GALNT13: variants seen among roughly 807,000 people sequenced by gnomAD.
GALNT13 encodes polypeptide N-acetylgalactosaminyltransferase 13.
In GALNT13, 28 loss-of-function variants were observed where a neutral mutation model predicts 64.2. The observed-to-expected ratio is 0.44, with a 90% confidence interval of 0.32 to 0.60. GALNT13 has a LOEUF of 0.60. GALNT13 is among the 20% of genes least tolerant of loss of function. The probability of loss-of-function intolerance (pLI) is 0.05; values close to 1 mark genes in which losing one functional copy is unlikely to be tolerated. For synonymous variants in GALNT13, 214 were observed against 224.6 expected (o/e 0.95, Z 0.42); for missense variants, 577 against 669.8 (o/e 0.86, Z 1.53).
chr2:153,911,640 G>A (rs1240534864), intron 2 of GALNT13, among the ~76,000 whole-genome samples: 1 of 152,080 alleles, frequency 6.6e-6, no homozygotes, highest in Non-Finnish European at 1.5e-5. Flanking sequence ...TGTCTGAAAA[G>A]CATCTTATTT....
the GALNT13 span, among the ~76,000 whole-genome samples, chr2:153,284,776 C>A: frequency 1.3e-5 from 2 of 152,032 alleles, no homozygotes; most frequent in African/African-American, 2.4e-5. Context: ...CTTCGTGAGT[C>A]CATGAATAGA....
chr2:154,173,358 A>G (rs975984645), intron 4 of GALNT13, among the ~76,000 whole-genome samples: 4 of 151,480 alleles, frequency 2.6e-5, no homozygotes, highest in African/African-American at 9.7e-5. Context: ...AATTTAATTA[A>G]TTAAATTTAA....
At chr2:153,347,044 T>G in the GALNT13 span, among the ~76,000 whole-genome samples, 2 of 152,230 alleles carry the variant, frequency 1.3e-5, no homozygotes, top group Non-Finnish European at 2.9e-5. Context: ...TTCTCTCAAG[T>G]TGTCATAGCG....
At chr2:153,599,764 T>C in the GALNT13 span, among the ~76,000 whole-genome samples, 2 of 152,032 alleles carry the variant, frequency 1.3e-5, no homozygotes, top group South Asian at 2.1e-4. Flanking sequence ...TGTGATTCTG[T>C]TGTTTTTAGT....
At chr2:154,450,314 A>G in intron 12 of GALNT13, 97 bp from the exon 13 acceptor site, 2 of 1,123,544 alleles carry the variant, frequency 1.8e-6, no homozygotes, top group Non-Finnish European at 2.6e-6. Context: ...TATACTATAA[A>G]AATCATAAAG....
At chr2:154,187,306 TTAAA>T (rs2105745411) in intron 4 of GALNT13, among the ~76,000 whole-genome samples, 1 of 151,384 alleles carries the variant, frequency 6.6e-6, no homozygotes, top group South Asian at 2.1e-4. Context: ...CATTTTTTAT[TTAAA>T]TATTCTCCAG....
At chr2:153,231,891 A>G in the GALNT13 span, among the ~76,000 whole-genome samples, 1 of 152,018 alleles carries the variant, frequency 6.6e-6, no homozygotes, top group Non-Finnish European at 1.5e-5. Context: ...GATTGGTTTC[A>G]GCATCTGTAC....
chr2:153,933,099 T>G (rs1690648409), intron 2 of GALNT13, among the ~76,000 whole-genome samples: 1 of 152,146 alleles, frequency 6.6e-6, no homozygotes, highest in Non-Finnish European at 1.5e-5. Flanking sequence ...TCTTCTGTTT[T>G]TAAGGGATGA....
chr2:153,082,796 A>T, the GALNT13 span, among the ~76,000 whole-genome samples: 238 of 144,662 alleles, frequency 1.6e-3, no homozygotes, highest in African/African-American at 5.4e-3. Context: ...TAAAATATAT[A>T]TTATTTATTG....
At chr2:153,391,495 A>G in the GALNT13 span, among the ~76,000 whole-genome samples, 1 of 152,110 alleles carries the variant, frequency 6.6e-6, no homozygotes, top group Admixed American at 6.6e-5. Context: ...ATTGTAAGAT[A>G]TTTCTACTAG....
intron 2 of GALNT13, among the ~76,000 whole-genome samples, chr2:153,927,015 A>C (rs1690188811): frequency 6.6e-6 from 1 of 152,096 alleles, no homozygotes. Flanking sequence ...TAGACATTGC[A>C]ATTTTTAAAA....
At chr2:154,059,538 C>T (rs954103866) in intron 3 of GALNT13, among the ~76,000 whole-genome samples, 1 of 152,048 alleles carries the variant, frequency 6.6e-6, no homozygotes, top group African/African-American at 2.4e-5. Flanking sequence ...TTATGTTAAG[C>T]TATTCTGTAA....
chr2:153,771,032 A>C, the GALNT13 span, among the ~76,000 whole-genome samples: 1 of 152,186 alleles, frequency 6.6e-6, no homozygotes, highest in Non-Finnish European at 1.5e-5. Flanking sequence ...TCTGGGTGTC[A>C]AGCGGAAAGA....
chr2:153,112,108 C>T, the GALNT13 span, among the ~76,000 whole-genome samples: 7 of 152,082 alleles, frequency 4.6e-5, no homozygotes. Context: ...TGTTTCCTTC[C>T]ATATGGCGGG....
chr2:153,457,514 A>C, the GALNT13 span, among the ~76,000 whole-genome samples: 62 of 152,338 alleles, frequency 4.1e-4, no homozygotes, highest in African/African-American at 1.4e-3. Context: ...TAAAAATGTT[A>C]TTAAGCACTT....
At chr2:153,966,783 G>GT (rs1411140680) in intron 3 of GALNT13, among the ~76,000 whole-genome samples, 1 of 151,902 alleles carries the variant, frequency 6.6e-6, no homozygotes, top group Admixed American at 6.6e-5. Flanking sequence ...GGTTATTCGT[G>GT]TTTTTTCCAG....
chr2:153,187,727 A>G, the GALNT13 span, among the ~76,000 whole-genome samples: 1 of 152,136 alleles, frequency 6.6e-6, no homozygotes, highest in African/African-American at 2.4e-5. Flanking sequence ...GAAAAAATCT[A>G]CTCTTCTATT....
At chr2:154,438,538 A>G (rs75644501) in intron 11 of GALNT13, 54 bp from the exon 12 acceptor site, 2 of 1,390,526 alleles carry the variant, frequency 1.4e-6, no homozygotes, top group African/African-American at 1.4e-5. Flanking sequence ...GATCTGCTCT[A>G]TTGTGACATT....
chr2:154,443,584 G>A (rs887943099), intron 12 of GALNT13, among the ~76,000 whole-genome samples: 4 of 151,894 alleles, frequency 2.6e-5, no homozygotes, highest in Non-Finnish European at 4.4e-5. Flanking sequence ...CAACTATGCA[G>A]TCAGTTCATT....
Sources: gnomAD v4.1 joint callset for allele counts (sites outside exome capture counted in the v4.1 genomes callset) on GRCh38, gnomAD v4.1.1 for gene constraint, MANE v1.5 for transcripts, NCBI Gene and HGNC (gene_info 2026-07-23, HGNC 2026-07-21) for gene names.